Variants in AMZ2 observed in about 807,000 individuals in gnomAD.
AMZ2 encodes the protein archaelysin family metallopeptidase 2, also known as archaemetzincin-2.
AMZ2 carries 26 observed loss-of-function variants against 36.7 expected under a neutral mutation model. The ratio of observed to expected loss-of-function variants is 0.71; its 90% CI spans 0.52 to 0.98. AMZ2 has a LOEUF of 0.98. AMZ2 is among the 50% of genes least tolerant of loss of function. The probability of loss-of-function intolerance (pLI) is 0.00; values close to 1 mark genes in which losing one functional copy is unlikely to be tolerated. For missense variants in AMZ2, 394 were observed against 430.5 expected, an observed-to-expected ratio of 0.92 and a Z score of 0.75; for synonymous variants, 144 against 149.1, an observed-to-expected ratio of 0.97 and a Z score of 0.25.
intron 1 of AMZ2, among the ~76,000 whole-genome samples, chr17:68,218,101 C>T (rs1424591526): frequency 7.1e-6 from 1 of 140,102 alleles, no homozygotes; most frequent in South Asian, 2.3e-4. Context: ...CATGAGCCAC[C>T]GTGTCCGGCC....
At position 68,254,524 on chromosome 17, in the gene AMZ2, A is replaced by T. The variant is rs2074746544; in HGVS notation, c.707A>T (p.Tyr236Phe). 2.5e-6 allele frequency: 4 copies of T among 1,613,160 alleles called. No homozygotes were observed. In the African/African-American group the frequency reaches 4.0e-5, roughly 16 times the overall value. Residue 236 changes from tyrosine to phenylalanine, a missense_variant, in exon 5 of 7, where the codon TAT becomes TTT. Transcript: ENST00000359904. ...SSDYSIFDNY[Y>F]IPEITSVLLL... Reference sequence around the variant, plus strand: ...GACTATTCAATTTTCGACAACTATTATATTCCAGAAATAACTAGTGTTTTA... The same window carrying T: ...GACTATTCAATTTTCGACAACTATTTTATTCCAGAAATAACTAGTGTTTTA...
intron 4 of AMZ2, 136 bp from the exon 5 acceptor site, chr17:68,254,264 ACCAT>A: frequency 1.4e-6 from 1 of 712,316 alleles, no homozygotes. Flanking sequence ...TTGGTGGCAA[ACCAT>A]AAGTGTATCA....
upstream of AMZ2, chr17:68,246,738 A>T (rs8081040): frequency 0.16 from 24,393 of 152,224 alleles, 2,048 homozygotes; most frequent in African/African-American, 0.19. Context: ...CAAATAAGGA[A>T]GGGCTAAAGA....
intron 1 of AMZ2, chr17:68,248,969 G>T: frequency 1.3e-6 from 1 of 788,220 alleles, no homozygotes; most frequent in South Asian, 6.3e-5. Context: ...TGACAAAGAT[G>T]ATCCAGACAG....
intron 1 of AMZ2, among the ~76,000 whole-genome samples, chr17:68,237,850 C>T (rs2073822163): frequency 6.6e-6 from 1 of 152,124 alleles, no homozygotes; most frequent in African/African-American, 2.4e-5. Context: ...AAGGAAGCTG[C>T]TTGCTTCTGG....
chr17:68,250,857 A>T lies in AMZ2; in HGVS notation c.347A>T (p.Lys116Ile), dbSNP rs782442645. Residue 116 changes from lysine to isoleucine, a missense_variant, in exon 3 of 7, where the codon AAA becomes ATA. Transcript: ENST00000359904. ...EYIKWLTGYC[K>I]AYFYGLRVKL... ...ATTAAATGGCTCACGGGCTACTGTA[A>T]AGCATATTTCTATGGCTTGAGAGTA... The T allele has an allele frequency of 1.9e-6, 3 of 1,608,378 alleles. No homozygotes were observed. The highest frequency in any genetic ancestry group is 1.7e-5 in the Admixed American group (1 of 58,130).
chr17:68,247,695 C>T (rs2144681010), upstream of AMZ2: 3 of 985,512 alleles, frequency 3.0e-6, no homozygotes, highest in African/African-American at 5.2e-5. Context: ...GCCGGCGATG[C>T]CTCTCAAACC....
At chr17:68,224,461 A>G (rs1342594064) in intron 1 of AMZ2, among the ~76,000 whole-genome samples, 3 of 151,836 alleles carry the variant, frequency 2.0e-5, no homozygotes, top group Non-Finnish European at 4.4e-5. Context: ...TATAACACCT[A>G]TGCGGCAGTT....
At chr17:68,245,641 T>C (rs1337533044), upstream of AMZ2, among the ~76,000 whole-genome samples, 1 of 152,188 alleles carries the variant, frequency 6.6e-6, no homozygotes, top group Admixed American at 6.5e-5. Context: ...GATTTAGAAA[T>C]TTAAACAGTT....
intron 1 of AMZ2, among the ~76,000 whole-genome samples, chr17:68,219,625 A>T (rs1394795314): frequency 6.6e-6 from 1 of 151,870 alleles, no homozygotes; most frequent in Non-Finnish European, 1.5e-5. Context: ...TTGACTTCCC[A>T]GGTTTAAGTG....
Position 68,250,334 on chromosome 17 carries a change from A to T in AMZ2, c.147A>T (p.Gly49=), listed in dbSNP as rs138991707. 35 of 1,614,148 alleles carry T rather than the reference A, an allele frequency of 2.2e-5. No homozygotes were observed. The African/African-American group carries it at 4.0e-4, about 18-fold the overall frequency. ...TCCAGCCAGCCAGTGATCTCTTTGG[A>T]CCCATTACCTTGCATTCTCCATCAG... The part of the protein sequence containing the change: ...EAFQPASDLF[G]PITLHSPSDW... Residue 49 remains glycine (G), a synonymous_variant, in exon 2 of 7, where the codon GGA becomes GGT. Transcript: ENST00000359904.
intron 1 of AMZ2, chr17:68,206,488 C>A (rs781970325): frequency 7.4e-5 from 13 of 176,084 alleles, no homozygotes; most frequent in Non-Finnish European, 1.2e-4. Flanking sequence ...CTCTCTCCCC[C>A]CCAACCTCCT....
chr17:68,214,062 G>C (rs1314373991), intron 1 of AMZ2, among the ~76,000 whole-genome samples: 2 of 149,624 alleles, frequency 1.3e-5, no homozygotes, highest in Non-Finnish European at 3.0e-5. Flanking sequence ...TCTGTGCATG[G>C]TCTGTTTCTT....
At chr17:68,238,967 C>T (rs1326424286) in intron 1 of AMZ2, among the ~76,000 whole-genome samples, 2 of 152,176 alleles carry the variant, frequency 1.3e-5, no homozygotes, top group African/African-American at 4.8e-5. Flanking sequence ...GCAGGCAGGA[C>T]GTGGTCCAAA....
intron 4 of AMZ2, among the ~76,000 whole-genome samples, chr17:68,252,703 T>C (rs2074575069): frequency 6.6e-6 from 1 of 152,038 alleles, no homozygotes; most frequent in Non-Finnish European, 1.5e-5. Context: ...GGGATTTTTT[T>C]TGGCCAGATG....
chr17:68,245,420 CT>C (rs1374619321), upstream of AMZ2, among the ~76,000 whole-genome samples: 6 of 143,562 alleles, frequency 4.2e-5, no homozygotes, highest in African/African-American at 5.1e-5. Context: ...TTTCTTTTTT[CT>C]TTTTTTTTAG....
chr17:68,221,031 G>T (rs1236968927), intron 1 of AMZ2, among the ~76,000 whole-genome samples: 1 of 151,912 alleles, frequency 6.6e-6, no homozygotes, highest in Non-Finnish European at 1.5e-5. Flanking sequence ...TGATCCACCC[G>T]CCTCGGCCCC....
chr17:68,221,468 GC>G (rs1181359948), intron 1 of AMZ2, among the ~76,000 whole-genome samples: 2 of 152,168 alleles, frequency 1.3e-5, no homozygotes, highest in East Asian at 3.9e-4. Flanking sequence ...GGTGGCTCAC[GC>G]CTGTAATCCC....
At chr17:68,254,223 A>G (rs2074719294) in intron 4 of AMZ2, among the ~76,000 whole-genome samples, 181 bp from the exon 5 acceptor site, 1 of 152,202 alleles carries the variant, frequency 6.6e-6, no homozygotes, top group South Asian at 2.1e-4. Context: ...AAAGATTTTG[A>G]TAGGGAAATC....
Sources: gnomAD v4.1 joint callset for allele counts (sites outside exome capture counted in the v4.1 genomes callset) on GRCh38, gnomAD v4.1.1 for gene constraint, MANE v1.5 for transcripts, NCBI Gene and HGNC (gene_info 2026-07-23, HGNC 2026-07-21) for gene names.